Variants in SNTB2 observed in about 807,000 individuals in gnomAD.
SNTB2 encodes the protein beta-2-syntrophin.
In SNTB2, 34 loss-of-function variants were observed where a neutral mutation model predicts 46.2. That is an observed-to-expected ratio of 0.74 (90% CI 0.56 to 0.98). SNTB2 has a LOEUF of 0.98. SNTB2 is among the 50% of genes least tolerant of loss of function. SNTB2 has a pLI of 0.00. For synonymous variants in SNTB2, 290 were observed against 312.6 expected (o/e 0.93, Z 0.76); for missense variants, 603 against 731.4 (o/e 0.82, Z 2.02).
chr16:69,238,148 A>G (rs1452113975), intron 1 of SNTB2, among the ~76,000 whole-genome samples: 1 of 152,108 alleles, frequency 6.6e-6, no homozygotes, highest in African/African-American at 2.4e-5. Context: ...GGGTTTGGCC[A>G]ATGTAGAGCC....
Position 69,299,905 on chromosome 16 carries a change from A to T in SNTB2, c.1530+131A>T, listed in dbSNP as rs188493203. The T allele has an allele frequency of 2.4e-4, 242 of 1,009,598 alleles. 1 individual carries two copies. The highest frequency in any genetic ancestry group is 1.8e-3 in the African/African-American group (110 of 61,666). 62.5% of individuals were successfully genotyped at this position (1,009,598 alleles called of 1,614,324 possible). On this transcript the variant is annotated intron_variant, in intron 6 of 6. Transcript: ENST00000336278. ...ACCATGAAATTTTAAATTAAAAAAA[A>T]TTTTTTTAAAGATGGGGTCTCTGTC... is the stretch of plus-strand genomic sequence containing the variant.
intron 4 of SNTB2, among the ~76,000 whole-genome samples, chr16:69,280,435 C>T (rs1230159629): frequency 1.1e-4 from 16 of 151,936 alleles, no homozygotes; most frequent in Admixed American, 4.6e-4. Context: ...CCAGTAGGGG[C>T]GGCCGGGCAG....
chr16:69,239,539 A>T (rs1010839696), intron 1 of SNTB2, among the ~76,000 whole-genome samples: 6 of 151,486 alleles, frequency 4.0e-5, no homozygotes, highest in Admixed American at 2.6e-4. Context: ...ATTTATTTTT[A>T]TTTATTTATT....
rs369491492 is a variant in SNTB2, at chr16:69,255,867, A to C, written c.795-4183A>C. 3.3e-5 allele frequency among the ~76,000 whole-genome samples: 5 copies of C among 149,874 alleles called. No individual in the cohort carries two copies. In the East Asian group the frequency reaches 7.9e-4, roughly 24 times the overall value. ...ACTCCAGCCCGGGCAACAAGAGGTA[A>C]ACTCTGTCTCAAAAAAAAAAAAAAA... On this transcript the variant is annotated intron_variant, in intron 2 of 6. Coordinates refer to ENST00000336278, the MANE Select transcript of SNTB2 (RefSeq NM_006750.4).
chr16:69,188,766 T>C (rs1467850543), intron 1 of SNTB2, among the ~76,000 whole-genome samples: 1 of 152,162 alleles, frequency 6.6e-6, no homozygotes, highest in African/African-American at 2.4e-5. Context: ...GGAGAAATGA[T>C]AGAAAAATGC....
chr16:69,234,051 G>C (rs1597181472), intron 1 of SNTB2, among the ~76,000 whole-genome samples: 1 of 151,844 alleles, frequency 6.6e-6, no homozygotes, highest in Non-Finnish European at 1.5e-5. Context: ...AAAAAACAAG[G>C]GCCAGGCATG....
chr16:69,232,333 G>GT (rs888316055), intron 1 of SNTB2, among the ~76,000 whole-genome samples: 8 of 150,354 alleles, frequency 5.3e-5, no homozygotes, highest in African/African-American at 2.0e-4. Flanking sequence ...AGCCTCCCGA[G>GT]TAAGTGGGAC....
chr16:69,226,194 C>T (rs936602518), intron 1 of SNTB2, among the ~76,000 whole-genome samples: 2 of 152,108 alleles, frequency 1.3e-5, no homozygotes, highest in Admixed American at 1.3e-4. Flanking sequence ...GCCTCAGCCT[C>T]CCAAGTAGCT....
At chr16:69,297,298 T>C (rs1331866718) in intron 5 of SNTB2, among the ~76,000 whole-genome samples, 5 of 88,264 alleles carry the variant, frequency 5.7e-5, no homozygotes, top group Non-Finnish European at 7.9e-5. Context: ...CACAGCAAGA[T>C]TCTATCTCAA....
intron 1 of SNTB2, among the ~76,000 whole-genome samples, chr16:69,216,913 G>A (rs946464518): frequency 2.0e-5 from 3 of 152,310 alleles, no homozygotes; most frequent in East Asian, 3.9e-4. Context: ...GCCCATGAGT[G>A]GGAAGGAGAG....
chr16:69,248,590 C>A lies in SNTB2; in HGVS notation c.794+2775C>A, dbSNP rs111673978. ...GAGGTTGTAGTGAGCCGAGATTGCG[C>A]CTCTGCACTCCAGTCTGGGTGACAG... is the stretch of plus-strand genomic sequence containing the variant. On this transcript the variant is annotated intron_variant, in intron 2 of 6. Coordinates refer to ENST00000336278, the MANE Select transcript of SNTB2 (RefSeq NM_006750.4). 6.3e-3 allele frequency among the ~76,000 whole-genome samples: 954 copies of A among 152,232 alleles called. 12 individuals carry two copies. Among genetic ancestry groups the A allele is most frequent in the African/African-American group, 0.02 (851 of 41,524 alleles).
intron 5 of SNTB2, among the ~76,000 whole-genome samples, chr16:69,291,071 CAG>C (rs762842910): frequency 2.6e-5 from 4 of 152,168 alleles, no homozygotes; most frequent in Non-Finnish European, 5.9e-5. Flanking sequence ...TAAGAGAACA[CAG>C]TGTCATGTTC....
At chr16:69,284,449 C>G (rs1252562055) in intron 5 of SNTB2, among the ~76,000 whole-genome samples, 2 of 125,600 alleles carry the variant, frequency 1.6e-5, no homozygotes, top group Non-Finnish European at 3.1e-5. Flanking sequence ...TGGTGAAACC[C>G]CGTCTTTACT....
chr16:69,229,194 C>T (rs1268628103), intron 1 of SNTB2, among the ~76,000 whole-genome samples: 1 of 152,074 alleles, frequency 6.6e-6, no homozygotes, highest in African/African-American at 2.4e-5. Flanking sequence ...TATTTAGTGA[C>T]AGGATCTCAC....
At chr16:69,248,927 C>T (rs1167707311) in intron 2 of SNTB2, among the ~76,000 whole-genome samples, 2 of 138,578 alleles carry the variant, frequency 1.4e-5, no homozygotes, top group Non-Finnish European at 3.0e-5. Flanking sequence ...AATGGAGAAA[C>T]GATGTGATAA....
At position 69,308,698 on chromosome 16, in the gene SNTB2, C is replaced by G. The variant is rs1178098700; in HGVS notation, c.*7774C>G. The G allele has an allele frequency of 6.6e-6, 1 of 152,152 alleles. No individual in the cohort carries two copies. The highest frequency in any genetic ancestry group is 1.5e-5 in the Non-Finnish European group (1 of 68,030). 9.4% of individuals were successfully genotyped at this position (152,152 alleles called of 1,614,324 possible). ...AAAGACTTAGAAAACTAGAATAATG[C>G]TTTTACAAATAATTAAAAGTATGTG... On this transcript the variant is annotated 3_prime_UTR_variant, in exon 7 of 7. Transcript: ENST00000336278.
chr16:69,193,571 C>T (rs1490145131), intron 1 of SNTB2, among the ~76,000 whole-genome samples: 3 of 151,968 alleles, frequency 2.0e-5, no homozygotes, highest in Non-Finnish European at 2.9e-5. Flanking sequence ...TCAGGTGATC[C>T]GCCTGCCTCG....
intron 5 of SNTB2, among the ~76,000 whole-genome samples, chr16:69,295,348 C>G (rs1006424676): frequency 7.1e-6 from 1 of 141,044 alleles, no homozygotes; most frequent in Non-Finnish European, 1.5e-5. Flanking sequence ...CTCCCAGGTT[C>G]AAGGAATTCT....
intron 4 of SNTB2, among the ~76,000 whole-genome samples, chr16:69,270,563 A>G (rs1175384845): frequency 2.0e-5 from 3 of 152,182 alleles, no homozygotes; most frequent in Admixed American, 2.0e-4. Flanking sequence ...TTAGTCATGA[A>G]GATTATAGGG....
Sources: gnomAD v4.1 joint callset for allele counts (sites outside exome capture counted in the v4.1 genomes callset) on GRCh38, gnomAD v4.1.1 for gene constraint, MANE v1.5 for transcripts, NCBI Gene and HGNC (gene_info 2026-07-23, HGNC 2026-07-21) for gene names.